ANKS1B: variants seen among roughly 807,000 people sequenced by gnomAD.
ANKS1B encodes ankyrin repeat and sterile alpha motif domain containing 1B, also known as ankyrin repeat and sterile alpha motif domain-containing protein 1B.
In ANKS1B, 36 loss-of-function variants were observed where a neutral mutation model predicts 148.3. The observed-to-expected ratio is 0.24, with a 90% CI of 0.19 to 0.32. The LOEUF (loss-of-function observed/expected upper bound fraction) is 0.32. Among genes scored for constraint, ANKS1B ranks in the 10% least tolerant of loss-of-function variants. The pLI is 1.00. For missense variants in ANKS1B, 1,157 were observed against 1,542.6 expected (o/e 0.75, Z 4.19); for synonymous variants, 542 against 560.8 (o/e 0.97, Z 0.47).
intron 12 of ANKS1B, among the ~76,000 whole-genome samples, chr12:99,260,123 T>G (rs2153981163): frequency 6.6e-6 from 1 of 152,308 alleles, no homozygotes; most frequent in African/African-American, 2.4e-5. Context: ...TGTTGGTCCT[T>G]TGGTTTAACT....
chr12:99,601,029 T>C (rs538922680), intron 9 of ANKS1B, among the ~76,000 whole-genome samples: 2 of 152,254 alleles, frequency 1.3e-5, no homozygotes, highest in South Asian at 4.2e-4. Context: ...GTAGTCATAA[T>C]GCATCTTCAA....
At position 98,744,061 on chromosome 12, in the gene ANKS1B, C is replaced by G; in HGVS notation, c.*1678G>C. 1 of 983,072 alleles carries G rather than the reference C, an allele frequency of 1.0e-6. No individual in the cohort carries two copies. The highest frequency in any genetic ancestry group is 1.2e-6 in the Non-Finnish European group (1 of 827,668). The allele number at this position is 983,072 out of a possible 1,614,324, so 60.9% of individuals were successfully genotyped here. A position where few individuals can be genotyped will look rare whatever the true frequency, so the allele number is the denominator to read the frequency against. ...ATTACAAAATTTATAACTGGAAGCCCAAGCTTATTTACACATATGCTTCTG... is the reference window on the plus strand; with the variant it reads ...ATTACAAAATTTATAACTGGAAGCCGAAGCTTATTTACACATATGCTTCTG... On this transcript the variant is annotated 3_prime_UTR_variant, in exon 27 of 27. Coordinates refer to ENST00000683438, the MANE Select transcript of ANKS1B (RefSeq NM_001352186.2).
chr12:98,967,791 G>C (rs1465189510), intron 17 of ANKS1B, among the ~76,000 whole-genome samples: 1 of 146,380 alleles, frequency 6.8e-6, no homozygotes, highest in African/African-American at 2.5e-5. Context: ...GTTCCAAATT[G>C]ATCACCTAAA....
chr12:99,398,329 C>T (rs772365892), intron 12 of ANKS1B, among the ~76,000 whole-genome samples: 7 of 151,830 alleles, frequency 4.6e-5, no homozygotes, highest in African/African-American at 9.7e-5. Context: ...ACATAGAGTC[C>T]GATTAAAGGA....
intron 14 of ANKS1B, among the ~76,000 whole-genome samples, chr12:99,194,916 T>C (rs1255999652): frequency 6.6e-6 from 1 of 152,162 alleles, no homozygotes; most frequent in Non-Finnish European, 1.5e-5. Flanking sequence ...GATAGGAACA[T>C]GGATGTTCAT....
intron 12 of ANKS1B, among the ~76,000 whole-genome samples, chr12:99,295,023 T>G (rs2080664106): frequency 1.3e-5 from 2 of 152,224 alleles, no homozygotes. Context: ...CCCTGATAAT[T>G]ACACATTGTA....
chr12:99,635,881 G>T (rs2098230005), intron 9 of ANKS1B, among the ~76,000 whole-genome samples: 1 of 151,876 alleles, frequency 6.6e-6, no homozygotes, highest in African/African-American at 2.4e-5. Context: ...TAATTTGGGG[G>T]TAGGAAGGAA....
At chr12:99,367,006 TG>T in intron 12 of ANKS1B, among the ~76,000 whole-genome samples, 1 of 152,256 alleles carries the variant, frequency 6.6e-6, no homozygotes, top group South Asian at 2.1e-4. Flanking sequence ...TTCTTTGTTA[TG>T]GGGGCTGTTT....
intron 2 of ANKS1B, among the ~76,000 whole-genome samples, chr12:99,823,639 G>A (rs1183825504): frequency 6.6e-6 from 1 of 152,124 alleles, no homozygotes; most frequent in East Asian, 1.9e-4. Context: ...TGCTTTTGAA[G>A]TCTCTATCGT....
At chr12:99,227,404 C>T (rs868774952) in intron 14 of ANKS1B, among the ~76,000 whole-genome samples, 1 of 152,162 alleles carries the variant, frequency 6.6e-6, no homozygotes, top group Non-Finnish European at 1.5e-5. Context: ...GCCAATTAAA[C>T]CTCTTTTCTT....
chr12:99,278,549 C>T (rs2077980993), intron 12 of ANKS1B, among the ~76,000 whole-genome samples: 1 of 151,426 alleles, frequency 6.6e-6, no homozygotes, highest in Admixed American at 6.6e-5. Context: ...CCCTCTTCTG[C>T]ACTTCCTCCC....
At chr12:99,714,866 C>T (rs2057093479) in intron 8 of ANKS1B, among the ~76,000 whole-genome samples, 1 of 151,982 alleles carries the variant, frequency 6.6e-6, no homozygotes, top group African/African-American at 2.4e-5. Context: ...TACCTGTAAT[C>T]CCAGCACTTT....
chr12:99,700,736 G>A (rs750141615), intron 8 of ANKS1B, among the ~76,000 whole-genome samples: 23 of 152,080 alleles, frequency 1.5e-4, no homozygotes, highest in Non-Finnish European at 3.2e-4. Context: ...CTGGATAAAG[G>A]GGAACTACTG....
intron 17 of ANKS1B, among the ~76,000 whole-genome samples, chr12:98,997,082 C>G (rs577666327): frequency 1.3e-5 from 2 of 152,158 alleles, no homozygotes; most frequent in South Asian, 4.2e-4. Flanking sequence ...ACAATATATT[C>G]TGATTTTTAT....
At chr12:99,556,755 G>T (rs528106972) in intron 9 of ANKS1B, among the ~76,000 whole-genome samples, 1 of 152,250 alleles carries the variant, frequency 6.6e-6, no homozygotes. Flanking sequence ...GTACAGTTTT[G>T]AGTGATATTC....
At chr12:99,510,423 G>A (rs2096752998) in intron 9 of ANKS1B, among the ~76,000 whole-genome samples, 1 of 152,008 alleles carries the variant, frequency 6.6e-6, no homozygotes, top group Admixed American at 6.6e-5. Context: ...GAGTCTAGAT[G>A]AAGTTGACTC....
chr12:99,399,856 A>ATGTTCG (rs1182337702), intron 11 of ANKS1B, 45 bp from the exon 12 acceptor site: 4 of 1,589,804 alleles, frequency 2.5e-6, no homozygotes, highest in Non-Finnish European at 3.4e-6. Flanking sequence ...GATCATGTTC[A>ATGTTCG]TCTTCAGCCC....
At chr12:99,814,952 T>C (rs1190291095) in intron 2 of ANKS1B, among the ~76,000 whole-genome samples, 4 of 151,784 alleles carry the variant, frequency 2.6e-5, no homozygotes, top group Non-Finnish European at 5.9e-5. Context: ...ATCTAAAATG[T>C]AGAATTTAGC....
At chr12:98,805,141 C>G (rs556850146) in intron 20 of ANKS1B, among the ~76,000 whole-genome samples, 1 of 152,210 alleles carries the variant, frequency 6.6e-6, no homozygotes, top group South Asian at 2.1e-4. Flanking sequence ...CAAGGTACTC[C>G]TAATAAATGT....
Sources: allele counts gnomAD v4.1 joint callset (sites outside exome capture counted in the v4.1 genomes callset), GRCh38; gene constraint gnomAD v4.1.1; transcripts MANE v1.5; gene names NCBI Gene and HGNC (gene_info 2026-07-23, HGNC 2026-07-21).